Variants in DOCK4 observed in about 807,000 individuals in gnomAD.
DOCK4 encodes the protein dedicator of cytokinesis protein 4.
In DOCK4, 97 loss-of-function variants were observed where a neutral mutation model predicts 268.1. The ratio of observed to expected loss-of-function variants is 0.36; its 90% CI spans 0.31 to 0.43. DOCK4 has a LOEUF of 0.43. Ranked by LOEUF, DOCK4 falls within the 20% of genes least tolerant of loss-of-function variation. The probability of loss-of-function intolerance (pLI) is 1.00; values close to 1 mark genes in which losing one functional copy is unlikely to be tolerated. For synonymous variants in DOCK4, 954 were observed against 887.2 expected (o/e 1.08, Z -1.34); for missense variants, 2,145 against 2,455.7 (o/e 0.87, Z 2.67).
At chr7:111,844,943 T>C (rs924359117) in intron 24 of DOCK4, 46 bp from the exon 25 acceptor site, 10 of 1,568,010 alleles carry the variant, frequency 6.4e-6, no homozygotes, top group Admixed American at 1.8e-5. Context: ...GGGTTTAACA[T>C]GCATTTCAAT....
intron 11 of DOCK4, among the ~76,000 whole-genome samples, chr7:111,938,397 C>G (rs1204750845): frequency 6.6e-6 from 1 of 152,148 alleles, no homozygotes; most frequent in African/African-American, 2.4e-5. Context: ...TCTACTGGCA[C>G]ATATTAGGTA....
At chr7:112,194,606 C>T (rs953739571) in intron 1 of DOCK4, among the ~76,000 whole-genome samples, 4 of 152,154 alleles carry the variant, frequency 2.6e-5, no homozygotes, top group African/African-American at 9.7e-5. Context: ...AACCTCTAAT[C>T]CTGAAAGGAA....
At chr7:112,031,841 A>T (rs57446192) in intron 1 of DOCK4, among the ~76,000 whole-genome samples, 4,901 of 152,274 alleles carry the variant, frequency 0.032, 262 homozygotes, top group African/African-American at 0.11. Context: ...AACATGTCAA[A>T]AAAGTGTCTC....
chr7:112,003,185 A>G (rs1223262119), intron 2 of DOCK4, among the ~76,000 whole-genome samples: 1 of 152,156 alleles, frequency 6.6e-6, no homozygotes, highest in African/African-American at 2.4e-5. Context: ...GTTTGAGACG[A>G]GCATGGGCAA....
intron 1 of DOCK4, among the ~76,000 whole-genome samples, chr7:112,162,398 G>T (rs1239733623): frequency 6.6e-6 from 1 of 151,950 alleles, no homozygotes; most frequent in Admixed American, 6.6e-5. Context: ...TCATCCCCCT[G>T]GATACAGTGG....
chr7:111,862,832 T>G, intron 23 of DOCK4: 1 of 153,334 alleles, frequency 6.5e-6, no homozygotes. Context: ...AAGAACTTTT[T>G]TACTTGGGAG....
intron 8 of DOCK4, among the ~76,000 whole-genome samples, chr7:111,972,260 C>T (rs1049788384): frequency 6.6e-6 from 1 of 151,994 alleles, no homozygotes; most frequent in Non-Finnish European, 1.5e-5. Flanking sequence ...GATTCTGATG[C>T]GACTGCTGGT....
intron 1 of DOCK4, among the ~76,000 whole-genome samples, chr7:112,181,483 C>A (rs1433167301): frequency 6.6e-6 from 1 of 151,820 alleles, no homozygotes; most frequent in Non-Finnish European, 1.5e-5. Context: ...TACTGAGACT[C>A]CATCTCTACA....
chr7:111,970,607 G>A (rs111833797), intron 8 of DOCK4, among the ~76,000 whole-genome samples: 1 of 152,128 alleles, frequency 6.6e-6, no homozygotes, highest in Non-Finnish European at 1.5e-5. Context: ...AAGAACAATT[G>A]GCTCATGTAA....
intron 7 of DOCK4, among the ~76,000 whole-genome samples, chr7:111,981,553 A>G (rs1798609477): frequency 6.6e-6 from 1 of 152,236 alleles, no homozygotes; most frequent in Non-Finnish European, 1.5e-5. Context: ...AAAGTAAAAA[A>G]GAAAAAGAAA....
chr7:111,765,255 A>G (rs1258902230), intron 38 of DOCK4, 33 bp from the exon 39 acceptor site: 4 of 1,219,446 alleles, frequency 3.3e-6, no homozygotes, highest in Admixed American at 2.9e-5. Context: ...TAAGCATTTT[A>G]TCTCATCTTT....
chr7:111,996,258 G>C (rs1176652956), intron 4 of DOCK4, among the ~76,000 whole-genome samples: 1 of 152,210 alleles, frequency 6.6e-6, no homozygotes, highest in African/African-American at 2.4e-5. Context: ...GTGAGAAGTT[G>C]ATTGGGGGTT....
chr7:111,931,546 C>T (rs972258967), intron 12 of DOCK4, among the ~76,000 whole-genome samples: 1 of 152,024 alleles, frequency 6.6e-6, no homozygotes, highest in African/African-American at 2.4e-5. Flanking sequence ...AGAAGGCCAA[C>T]AATTAAGTTA....
intron 35 of DOCK4, among the ~76,000 whole-genome samples, chr7:111,780,852 T>G (rs760826859): frequency 6.6e-6 from 1 of 152,198 alleles, no homozygotes; most frequent in Non-Finnish European, 1.5e-5. Context: ...AGTGATAGAT[T>G]TGCTTCTTTA....
chr7:111,939,826 C>T (rs545908348), intron 11 of DOCK4, among the ~76,000 whole-genome samples: 1 of 152,272 alleles, frequency 6.6e-6, no homozygotes, highest in South Asian at 2.1e-4. Flanking sequence ...AAGGTAAAGA[C>T]GTGCTAGGTT....
chr7:111,889,605 G>T (rs565154942), intron 16 of DOCK4, among the ~76,000 whole-genome samples: 2 of 152,254 alleles, frequency 1.3e-5, no homozygotes, highest in South Asian at 4.1e-4. Context: ...GTATTTGTTG[G>T]ACTACTATGG....
At position 111,822,361 on chromosome 7, in the gene DOCK4, C is replaced by T; in HGVS notation, c.2930+1G>A. The T allele has an allele frequency of 6.2e-7, 1 of 1,611,024 alleles. No homozygotes were observed. The highest frequency in any genetic ancestry group is 8.5e-7 in the Non-Finnish European group (1 of 1,178,022). On this transcript the variant is annotated splice_donor_variant, in intron 27 of 52. Transcript: ENST00000428084. LOFTEE classifies it high-confidence loss of function. Reference sequence around the variant, plus strand: ...AATTATCATCAACTTAAATGTCTTACTTGTTAGCAACCAAGCGCATAACAG... The same window carrying T: ...AATTATCATCAACTTAAATGTCTTATTTGTTAGCAACCAAGCGCATAACAG...
intron 25 of DOCK4, among the ~76,000 whole-genome samples, chr7:111,842,597 C>G (rs1803787069): frequency 6.6e-6 from 1 of 152,212 alleles, no homozygotes; most frequent in African/African-American, 2.4e-5. Context: ...CAGGTACTTT[C>G]ATACCCACGA....
intron 12 of DOCK4, among the ~76,000 whole-genome samples, chr7:111,926,519 A>G (rs192621944): frequency 1.5e-5 from 2 of 134,198 alleles, no homozygotes; most frequent in East Asian, 3.9e-4. Flanking sequence ...GGAAGAAAAA[A>G]AGAAAGAAAA....
Sources: allele counts gnomAD v4.1 joint callset (sites outside exome capture counted in the v4.1 genomes callset), GRCh38; gene constraint gnomAD v4.1.1; transcripts MANE v1.5; gene names NCBI Gene and HGNC (gene_info 2026-07-23, HGNC 2026-07-21).